The following EPS8 variants were observed in gnomAD, a reference collection of about 807,000 sequenced individuals.
The protein encoded by EPS8 is EGFR pathway substrate 8, signaling adaptor.
A neutral mutation model predicts 103.8 loss-of-function variants in EPS8; 42 were observed. The ratio of observed to expected loss-of-function variants is 0.40; its 90% CI spans 0.32 to 0.52. EPS8 has a LOEUF of 0.52. EPS8 is among the 20% of genes least tolerant of loss of function. The pLI, the probability that EPS8 is intolerant of heterozygous loss-of-function variation, is 0.40. For synonymous variants in EPS8, 344 were observed against 344.6 expected (o/e 1.00, Z 0.02); for missense variants, 969 against 1,005.1 (o/e 0.96, Z 0.49).
intron 1 of EPS8, among the ~76,000 whole-genome samples, chr12:15,723,961 A>C (rs771112348): frequency 2.0e-5 from 3 of 152,204 alleles, no homozygotes; most frequent in Non-Finnish European, 4.4e-5. Context: ...GCATCATTAC[A>C]TCATTTATAT....
chr12:15,743,300 A>G (rs1176097424), intron 1 of EPS8, among the ~76,000 whole-genome samples: 1 of 152,196 alleles, frequency 6.6e-6, no homozygotes, highest in Non-Finnish European at 1.5e-5. Flanking sequence ...ATGCTCATGG[A>G]TAGGAAGAAT....
At position 15,714,490 on chromosome 12, in the gene EPS8, C is replaced by G. The variant is rs1946506423; in HGVS notation, c.-21-31518G>C. Among the ~76,000 whole-genome samples the G allele has an allele frequency of 6.6e-6, 1 of 152,024 alleles. No homozygotes were observed. Among genetic ancestry groups the G allele is most frequent in the Non-Finnish European group, 1.5e-5 (1 of 67,984 alleles). ...GACCCCATCTCCACAAAAAATTCAG[C>G]AATCAGCCAAGCATGGTGGTACACA... On this transcript the variant is annotated intron_variant, in intron 1 of 20. Transcript: ENST00000281172. The surrounding 1 kb of genome is among the most constrained non-coding windows in gnomAD (Gnocchi z 4.1).
At chr12:15,671,015 T>C in intron 3 of EPS8, 92 bp from the exon 4 acceptor site, 1 of 847,842 alleles carries the variant, frequency 1.2e-6, no homozygotes, top group Non-Finnish European at 2.0e-6. Context: ...AACTAGTCTA[T>C]CTCACATATA....
chr12:15,732,135 A>G (rs1314356943), intron 1 of EPS8, among the ~76,000 whole-genome samples: 1 of 152,168 alleles, frequency 6.6e-6, no homozygotes, highest in African/African-American at 2.4e-5. Flanking sequence ...TCATAAGTCT[A>G]TATTAATCTC....
At position 15,787,502 on chromosome 12, in the gene EPS8, C is replaced by G. The variant is rs1336447410; in HGVS notation, c.-22+1659G>C. On this transcript the variant is annotated intron_variant, in intron 1 of 20. Transcript: ENST00000281172. This position sits in a 1 kb window ranked among gnomAD's most constrained non-coding sequence, Gnocchi z 4.9. ...CATCACCCTATTAAGAGTGGGGCTACTAACAGTATAAGTTAAATTACACTT... is the reference window on the plus strand; with the variant it reads ...CATCACCCTATTAAGAGTGGGGCTAGTAACAGTATAAGTTAAATTACACTT... Among the ~76,000 whole-genome samples, 1 of 152,070 alleles carries G rather than the reference C, an allele frequency of 6.6e-6. No homozygotes were observed. Among genetic ancestry groups the G allele is most frequent in the East Asian group, 1.9e-4 (1 of 5,190 alleles).
chr12:15,766,593 G>T lies in EPS8; in HGVS notation c.-22+22568C>A, dbSNP rs1430569061. 5.2e-4 allele frequency among the ~76,000 whole-genome samples: 78 copies of T among 150,964 alleles called. 1 individual carries two copies. The highest frequency in any genetic ancestry group is 5.1e-3 in the Admixed American group (78 of 15,164). On this transcript the variant is annotated intron_variant, in intron 1 of 20. Coordinates refer to ENST00000281172, the MANE Select transcript of EPS8 (RefSeq NM_004447.6). ...CTTGGGAGGCTGAGGCAGGAGAATT[G>T]CCTGAACCCAGGAGGCAGAGGTTGC... is the stretch of plus-strand genomic sequence containing the variant.
Position 15,735,788 on chromosome 12 carries a change from G to A in EPS8, c.-21-52816C>T, listed in dbSNP as rs1202595066. On this transcript the variant is annotated intron_variant, in intron 1 of 20. Transcript: ENST00000281172. The surrounding 1 kb of genome is among the most constrained non-coding windows in gnomAD (Gnocchi z 4.4). ...CTGTTGTAAAATATATGTTGAATAT[G>A]TATCTATCAATTAAATATTTAAACA... Among the ~76,000 whole-genome samples, 2 of 152,052 alleles carry A rather than the reference G, an allele frequency of 1.3e-5. No homozygotes were observed. Among genetic ancestry groups the A allele is most frequent in the African/African-American group, 4.8e-5 (2 of 41,396 alleles).
chr12:15,710,036 T>C (rs1321984451), intron 1 of EPS8, among the ~76,000 whole-genome samples: 1 of 152,054 alleles, frequency 6.6e-6, no homozygotes, highest in Non-Finnish European at 1.5e-5. Context: ...CCTTCTGCTG[T>C]GCGGCCCAGT....
In EPS8 at chr12:15,727,458, TC is replaced by T. The variant is rs1946665792; in HGVS notation, c.-21-44487del. Among the ~76,000 whole-genome samples the T allele has an allele frequency of 6.6e-6, 1 of 152,224 alleles. No individual in the cohort carries two copies. Among genetic ancestry groups the T allele is most frequent in the African/African-American group, 2.4e-5 (1 of 41,454 alleles). On this transcript the variant is annotated intron_variant, in intron 1 of 20. Coordinates refer to ENST00000281172, the MANE Select transcript of EPS8 (RefSeq NM_004447.6). This position sits in a 1 kb window ranked among gnomAD's most constrained non-coding sequence, Gnocchi z 4.3. The stretch of plus-strand genomic sequence containing the variant: ...AACATAATTGAAACACTTTAATATT[TC>T]CTTTAATGTTGGTAGATACTAATAA...
chr12:15,722,187 G>A (rs1340716957), intron 1 of EPS8, among the ~76,000 whole-genome samples: 1 of 145,126 alleles, frequency 6.9e-6, no homozygotes, highest in African/African-American at 2.7e-5. Flanking sequence ...AACGATAGCT[G>A]ATGAGGTACA....
intron 15 of EPS8, among the ~76,000 whole-genome samples, chr12:15,646,332 T>G (rs1007043583): frequency 6.6e-6 from 1 of 152,182 alleles, no homozygotes; most frequent in Admixed American, 6.5e-5. Context: ...AAAGGGCATA[T>G]AACTCTTGTG....
intron 18 of EPS8, among the ~76,000 whole-genome samples, chr12:15,629,321 G>A (rs528941824): frequency 1.3e-5 from 2 of 152,316 alleles, no homozygotes; most frequent in Admixed American, 1.3e-4. Context: ...GGAGGCCGAT[G>A]AACTTTGATC....
chr12:15,788,295 A>G (rs993192419), intron 1 of EPS8, among the ~76,000 whole-genome samples: 3 of 152,222 alleles, frequency 2.0e-5, no homozygotes, highest in Non-Finnish European at 2.9e-5. Flanking sequence ...TATTTTGTAA[A>G]GGAGGATTCT....
chr12:15,681,034 G>A (rs1257265099), intron 3 of EPS8, among the ~76,000 whole-genome samples, 192 bp downstream of exon 3: 1 of 152,166 alleles, frequency 6.6e-6, no homozygotes, highest in East Asian at 1.9e-4. Flanking sequence ...GTTCTAAAAT[G>A]CATAACAGCA....
chr12:15,668,155 T>C (rs1217996535), intron 6 of EPS8, among the ~76,000 whole-genome samples: 1 of 152,150 alleles, frequency 6.6e-6, no homozygotes, highest in Non-Finnish European at 1.5e-5. Flanking sequence ...TACTATGACT[T>C]TCAAAAGGCA....
rs1946995378 is a variant in EPS8 at position 15,757,254 on chromosome 12, C to T, written c.-22+31907G>A. Among the ~76,000 whole-genome samples, 1 of 151,978 alleles carries T rather than the reference C, an allele frequency of 6.6e-6. No individual in the cohort carries two copies. The highest frequency in any genetic ancestry group is 1.5e-5 in the Non-Finnish European group (1 of 68,016). ...AGAGTGAAATGTTCTTGACAAGAAA[C>T]TTGGTGGAAGCTGATTCTATCCAAA... On this transcript the variant is annotated intron_variant, in intron 1 of 20. Transcript: ENST00000281172. The surrounding 1 kb of genome is among the most constrained non-coding windows in gnomAD (Gnocchi z 4.1).
chr12:15,769,705 T>C lies in EPS8; in HGVS notation c.-22+19456A>G, dbSNP rs912013607. Reference sequence around the variant, plus strand: ...TCTCCCCAAACAATGAACATCTCTATATAGTAACTCTATTTTCAGTCTTTT... The same window carrying C: ...TCTCCCCAAACAATGAACATCTCTACATAGTAACTCTATTTTCAGTCTTTT... On this transcript the variant is annotated intron_variant, in intron 1 of 20. Transcript: ENST00000281172. This position sits in a 1 kb window ranked among gnomAD's most constrained non-coding sequence, Gnocchi z 4.6. Among the ~76,000 whole-genome samples, 4 of 152,198 alleles carry C rather than the reference T, an allele frequency of 2.6e-5. No homozygotes were observed. Among genetic ancestry groups the C allele is most frequent in the Admixed American group, 1.3e-4 (2 of 15,280 alleles).
intron 1 of EPS8, among the ~76,000 whole-genome samples, chr12:15,686,122 G>A (rs900486053): frequency 1.3e-5 from 2 of 151,910 alleles, no homozygotes; most frequent in African/African-American, 2.4e-5. Flanking sequence ...CAGCAAAACC[G>A]ACCCCTCCAC....
rs765784109 is a variant in EPS8, at chr12:15,658,189, C to G, written c.1027-36G>C. 5.6e-6 allele frequency: 8 copies of G among 1,431,176 alleles called. No homozygotes were observed. The East Asian group carries it at 1.8e-4, about 33-fold the overall frequency. The allele number at this position is 1,431,176 out of a possible 1,614,324, so 88.7% of individuals were successfully genotyped here. On this transcript the variant is annotated intron_variant, in intron 11 of 20. Coordinates refer to ENST00000281172, the MANE Select transcript of EPS8 (RefSeq NM_004447.6). The stretch of plus-strand genomic sequence containing the variant: ...AAGAAAACAGAAAACAGATTACTAT[C>G]AAGCAAGACAGACACTCAGAAAGGT...
Sources: allele counts gnomAD v4.1 joint callset (sites outside exome capture counted in the v4.1 genomes callset), GRCh38; gene constraint gnomAD v4.1.1; non-coding constraint Gnocchi (gnomAD v3.1); transcripts MANE v1.5; gene names NCBI Gene and HGNC (gene_info 2026-07-23, HGNC 2026-07-21).